CNTNAP5: variants seen among roughly 807,000 people sequenced by gnomAD.
The protein encoded by CNTNAP5 is contactin-associated protein-like 5.
In CNTNAP5, 72 loss-of-function variants were observed where a neutral mutation model predicts 150.2. The ratio of observed to expected loss-of-function variants is 0.48; its 90% confidence interval spans 0.40 to 0.58. The LOEUF is 0.58. Ranked by LOEUF, CNTNAP5 falls within the 20% of genes least tolerant of loss-of-function variation. CNTNAP5 has a pLI of 0.00. For synonymous variants in CNTNAP5, 672 were observed against 619.8 expected (o/e 1.08, Z -1.25); for missense variants, 1,636 against 1,626.2 (o/e 1.01, Z -0.10).
intron 1 of CNTNAP5, among the ~76,000 whole-genome samples, chr2:124,218,676 G>A (rs1435390562): frequency 6.6e-6 from 1 of 152,122 alleles, no homozygotes; most frequent in Non-Finnish European, 1.5e-5. Context: ...CGGACAGTAG[G>A]GAATGGCAGT....
intron 1 of CNTNAP5, among the ~76,000 whole-genome samples, chr2:124,170,290 A>T (rs1447099158): frequency 6.6e-6 from 1 of 151,878 alleles, no homozygotes; most frequent in Non-Finnish European, 1.5e-5. Context: ...CATTGGGTTG[A>T]CTTCTGCTTC....
intron 21 of CNTNAP5, among the ~76,000 whole-genome samples, chr2:124,890,573 T>C (rs1678173550): frequency 6.6e-6 from 1 of 152,148 alleles, no homozygotes; most frequent in South Asian, 2.1e-4. Flanking sequence ...TCAGAGCAAA[T>C]TTAAACTGTA....
chr2:124,291,362 T>G (rs1318656387), intron 3 of CNTNAP5, among the ~76,000 whole-genome samples: 8 of 152,098 alleles, frequency 5.3e-5, no homozygotes, highest in African/African-American at 1.9e-4. Flanking sequence ...CCTTCTTCAT[T>G]CTATAATGAA....
chr2:124,859,510 A>G (rs1480428007), intron 19 of CNTNAP5, among the ~76,000 whole-genome samples: 2 of 152,242 alleles, frequency 1.3e-5, no homozygotes, highest in African/African-American at 2.4e-5. Context: ...GCGATTCCTC[A>G]GGGATCTAGA....
At chr2:124,852,652 A>G (rs182157783) in intron 19 of CNTNAP5, among the ~76,000 whole-genome samples, 2 of 152,276 alleles carry the variant, frequency 1.3e-5, no homozygotes, top group Non-Finnish European at 1.5e-5. Context: ...TGTGTAGGGA[A>G]TGGATGGGTG....
chr2:124,517,591 G>T (rs1048294199), intron 8 of CNTNAP5, among the ~76,000 whole-genome samples: 6 of 150,500 alleles, frequency 4.0e-5, no homozygotes, highest in African/African-American at 1.5e-4. Context: ...ATGGAAGATT[G>T]TGGTGTTGGT....
intron 6 of CNTNAP5, among the ~76,000 whole-genome samples, chr2:124,451,185 CT>C (rs1178255858): frequency 6.7e-6 from 1 of 148,778 alleles, no homozygotes; most frequent in Non-Finnish European, 1.5e-5. Context: ...TTCATAGATA[CT>C]GAAAAGGCAT....
At chr2:124,246,291 A>G (rs549214986) in intron 3 of CNTNAP5, among the ~76,000 whole-genome samples, 5 of 152,216 alleles carry the variant, frequency 3.3e-5, no homozygotes, top group East Asian at 1.9e-4. Context: ...TAAAAATCCA[A>G]TTTGGAGAGT....
chr2:124,539,548 C>G (rs1433648581), intron 10 of CNTNAP5, among the ~76,000 whole-genome samples: 3 of 152,198 alleles, frequency 2.0e-5, no homozygotes, highest in Admixed American at 2.0e-4. Flanking sequence ...GAATATGTCA[C>G]TTCTTTGTAT....
intron 10 of CNTNAP5, among the ~76,000 whole-genome samples, chr2:124,560,615 G>A (rs1695869467): frequency 7.8e-6 from 1 of 129,000 alleles, no homozygotes; most frequent in South Asian, 2.7e-4. Flanking sequence ...AATTCTGTTA[G>A]TTGAATGTAA....
chr2:124,098,046 G>A (rs1181607971), intron 1 of CNTNAP5, among the ~76,000 whole-genome samples: 3 of 151,730 alleles, frequency 2.0e-5, no homozygotes, highest in East Asian at 3.9e-4. Flanking sequence ...TAAATAAATA[G>A]ATAAAAAAAC....
At chr2:124,599,579 C>A (rs1310308595) in intron 11 of CNTNAP5, among the ~76,000 whole-genome samples, 6 of 152,138 alleles carry the variant, frequency 3.9e-5, no homozygotes, top group African/African-American at 1.4e-4. Flanking sequence ...CTTTACATAA[C>A]AAATGTGGAA....
At chr2:124,570,118 G>T (rs2104938145) in intron 11 of CNTNAP5, among the ~76,000 whole-genome samples, 1 of 152,236 alleles carries the variant, frequency 6.6e-6, no homozygotes, top group South Asian at 2.1e-4. Context: ...AATCTTCCCA[G>T]GGTCTCCAGC....
intron 11 of CNTNAP5, among the ~76,000 whole-genome samples, chr2:124,579,563 C>A (rs906315842): frequency 1.8e-4 from 28 of 152,172 alleles, no homozygotes; most frequent in Non-Finnish European, 5.9e-5. Context: ...TTATGGGGAC[C>A]CTCCAAACTC....
chr2:124,794,134 A>G (rs1005606022), intron 18 of CNTNAP5, among the ~76,000 whole-genome samples: 5 of 152,218 alleles, frequency 3.3e-5, no homozygotes, highest in Non-Finnish European at 5.9e-5. Context: ...TGATTGCAAT[A>G]TGTTCCATCT....
intron 12 of CNTNAP5, among the ~76,000 whole-genome samples, chr2:124,631,262 G>A (rs1369968139): frequency 1.3e-5 from 2 of 151,970 alleles, no homozygotes; most frequent in Non-Finnish European, 2.9e-5. Context: ...AGCTCGCATA[G>A]CCAAGACAAT....
intron 1 of CNTNAP5, among the ~76,000 whole-genome samples, chr2:124,048,211 G>A (rs552880392): frequency 5.3e-5 from 8 of 152,148 alleles, no homozygotes; most frequent in Non-Finnish European, 1.0e-4. Flanking sequence ...CTGGCAGCAT[G>A]GTGTCATGGG....
At chr2:124,559,535 G>T (rs1282107261) in intron 10 of CNTNAP5, among the ~76,000 whole-genome samples, 1 of 152,168 alleles carries the variant, frequency 6.6e-6, no homozygotes, top group East Asian at 1.9e-4. Context: ...AATATCGTTA[G>T]GATTTTAGAA....
At chr2:124,290,576 A>G (rs1277884304) in intron 3 of CNTNAP5, among the ~76,000 whole-genome samples, 7 of 152,162 alleles carry the variant, frequency 4.6e-5, no homozygotes, top group African/African-American at 1.7e-4. Flanking sequence ...ACCTTTGTTT[A>G]GGCAAGTCCT....
Sources: gnomAD v4.1 joint callset for allele counts (sites outside exome capture counted in the v4.1 genomes callset) on GRCh38, gnomAD v4.1.1 for gene constraint, MANE v1.5 for transcripts, NCBI Gene and HGNC (gene_info 2026-07-23, HGNC 2026-07-21) for gene names.